Variants in ITPK1 observed in about 807,000 individuals in gnomAD.
The protein encoded by ITPK1 is inositol 1,3,4-trisphosphate 5/6-kinase.
In ITPK1, 21 loss-of-function variants were observed where a neutral mutation model predicts 45.3. That is an observed-to-expected ratio of 0.46 (90% CI 0.33 to 0.67). ITPK1 has a LOEUF of 0.67. ITPK1 is among the 30% of genes least tolerant of loss of function. The pLI is 0.02. For synonymous variants in ITPK1, 258 were observed against 253.6 expected, an observed-to-expected ratio of 1.02 and a Z score of -0.16; for missense variants, 474 against 573.5, an observed-to-expected ratio of 0.83 and a Z score of 1.77.
At chr14:93,054,063 C>T (rs1218438688) in intron 3 of ITPK1, among the ~76,000 whole-genome samples, 1 of 152,198 alleles carries the variant, frequency 6.6e-6, no homozygotes, top group Non-Finnish European at 1.5e-5. Flanking sequence ...CTTCATGCAT[C>T]CAACCCTGAC....
chr14:93,017,706 A>G (rs1888257429), intron 3 of ITPK1, among the ~76,000 whole-genome samples: 1 of 152,240 alleles, frequency 6.6e-6, no homozygotes, highest in African/African-American at 2.4e-5. Context: ...CAGAGGCCAG[A>G]GAAGGCCACA....
rs1356553636 is a variant in ITPK1 at position 92,940,736 on chromosome 14, G to A, written c.*825C>T. 7.8e-7 allele frequency: 1 copy of A among 1,289,116 alleles called. No individual in the cohort carries two copies. Among genetic ancestry groups the A allele is most frequent in the South Asian group, 1.2e-5 (1 of 80,986 alleles). The allele number at this position is 1,289,116 out of a possible 1,614,324, so 79.9% of individuals were successfully genotyped here. On this transcript the variant is annotated 3_prime_UTR_variant, in exon 11 of 11. Coordinates refer to ENST00000267615, the MANE Select transcript of ITPK1 (RefSeq NM_014216.6). ...AGAGACAAGGGGGTGGAGGCCCAAA[G>A]ACCTGGAATGATTTGCCCAAATCAC... is the stretch of plus-strand genomic sequence containing the variant.
At position 92,940,310 on chromosome 14, in the gene ITPK1, C is replaced by T. The variant is rs1887295616; in HGVS notation, c.*1251G>A. ...GGCTGATGCCTCTCACCCAGCACCC[C>T]ACATCTTCCAGGACTGCAGAGGCTT... is the stretch of plus-strand genomic sequence containing the variant. On this transcript the variant is annotated 3_prime_UTR_variant, in exon 11 of 11. Transcript: ENST00000267615. The T allele has an allele frequency of 2.0e-6, 2 of 990,830 alleles. No individual in the cohort carries two copies. Among genetic ancestry groups the T allele is most frequent in the African/African-American group, 1.7e-5 (1 of 57,268 alleles). 61.4% of individuals were successfully genotyped at this position (990,830 alleles called of 1,614,324 possible). A position where few individuals can be genotyped will look rare whatever the true frequency, so the allele number is the denominator to read the frequency against.
chr14:92,958,055 A>T lies in ITPK1; in HGVS notation c.670+146T>A. On this transcript the variant is annotated intron_variant, in intron 8 of 10. Transcript: ENST00000267615. This position sits in a 1 kb window ranked among gnomAD's most constrained non-coding sequence, Gnocchi z 4.4. ...CCCAAGACCTCTTTATCCACCGTAC[A>T]CAACTGTTTCCACCTTTAGAGCACC... is the stretch of plus-strand genomic sequence containing the variant. 1.3e-6 allele frequency: 1 copy of T among 762,120 alleles called. No homozygotes were observed. Among genetic ancestry groups the T allele is most frequent in the Non-Finnish European group, 2.2e-6 (1 of 456,586 alleles). 47.2% of individuals were successfully genotyped at this position (762,120 alleles called of 1,614,324 possible).
At chr14:93,110,273 T>C (rs1468872030) in intron 2 of ITPK1, among the ~76,000 whole-genome samples, 1 of 152,158 alleles carries the variant, frequency 6.6e-6, no homozygotes, top group Non-Finnish European at 1.5e-5. Flanking sequence ...ATACTCCCTG[T>C]GCACTGCTGC....
chr14:93,090,071 T>G (rs1006704890), intron 2 of ITPK1, among the ~76,000 whole-genome samples: 1 of 152,096 alleles, frequency 6.6e-6, no homozygotes, highest in African/African-American at 2.4e-5. Flanking sequence ...ACCTTCTGCA[T>G]CTGAAACATG....
At position 93,036,295 on chromosome 14, in the gene ITPK1, G is replaced by C. The variant is rs183930221; in HGVS notation, c.121-19494C>G. On this transcript the variant is annotated intron_variant, in intron 3 of 10. Transcript: ENST00000267615. This position sits in a 1 kb window ranked among gnomAD's most constrained non-coding sequence, Gnocchi z 4.1. ...TCCACATGGTGCAGTGGACTGCAAT[G>C]TCTAAAGGGCATCCGGTTGAGGCCA... Among the ~76,000 whole-genome samples the C allele has an allele frequency of 3.3e-4, 51 of 152,322 alleles. No homozygotes were observed. Among genetic ancestry groups the C allele is most frequent in the African/African-American group, 1.2e-3 (49 of 41,564 alleles).
intron 3 of ITPK1, among the ~76,000 whole-genome samples, chr14:93,026,137 T>C (rs901534041): frequency 7.2e-5 from 11 of 152,110 alleles, no homozygotes; most frequent in African/African-American, 2.4e-4. Flanking sequence ...GAATAGGACT[T>C]GGATGGAGAA....
intron 4 of ITPK1, among the ~76,000 whole-genome samples, chr14:93,007,288 C>T (rs1380154574): frequency 6.6e-6 from 1 of 152,190 alleles, no homozygotes; most frequent in Non-Finnish European, 1.5e-5. Context: ...TACAATAATA[C>T]ACAGAAGAGC....
At chr14:92,980,808 AG>A (rs1886186862) in intron 5 of ITPK1, among the ~76,000 whole-genome samples, 1 of 152,100 alleles carries the variant, frequency 6.6e-6, no homozygotes. Flanking sequence ...CCCAAGTTCA[AG>A]CAATTCTCCT....
chr14:93,006,059 C>T (rs1047882285), intron 4 of ITPK1, among the ~76,000 whole-genome samples: 1 of 152,184 alleles, frequency 6.6e-6, no homozygotes, highest in Non-Finnish European at 1.5e-5. Flanking sequence ...AGATGGGAAG[C>T]GGCTGGCTGA....
intron 3 of ITPK1, chr14:93,071,789 T>A (rs1468573977): frequency 6.6e-6 from 1 of 152,198 alleles, no homozygotes; most frequent in African/African-American, 2.4e-5. Context: ...TTGAAAGCCT[T>A]ATACTGATTA....
rs149828423 is a variant in ITPK1, at chr14:92,937,954, A to AGTTT, written c.*3603_*3606dup. ...GGGATCCCACCGGGTGAATGATCAG[A>AGTTT]GTTTGTTTGTTTGTTTGTTTGTTTT... On this transcript the variant is annotated 3_prime_UTR_variant, in exon 11 of 11. Transcript: ENST00000267615. The AGTTT allele has an allele frequency of 1.9e-4, 30 of 156,706 alleles. No homozygotes were observed. Among genetic ancestry groups the AGTTT allele is most frequent in the Middle Eastern group, 3.2e-3 (1 of 312 alleles). 9.7% of individuals were successfully genotyped at this position (156,706 alleles called of 1,614,324 possible).
At chr14:92,980,694 G>C (rs1431439425) in intron 5 of ITPK1, among the ~76,000 whole-genome samples, 1 of 152,116 alleles carries the variant, frequency 6.6e-6, no homozygotes, top group East Asian at 1.9e-4. Flanking sequence ...TGTTTGTTTT[G>C]AGATGGAGTC....
chr14:92,937,690 G>C lies in ITPK1; in HGVS notation c.*3871C>G, dbSNP rs556285518. The stretch of plus-strand genomic sequence containing the variant: ...GGGGAGGACCCATGGGAGAAGCCTC[G>C]CCTGTATCACCTGAGTCAGGCTTAT... On this transcript the variant is annotated 3_prime_UTR_variant, in exon 11 of 11. Coordinates refer to ENST00000267615, the MANE Select transcript of ITPK1 (RefSeq NM_014216.6). The C allele has an allele frequency of 6.6e-6, 1 of 152,556 alleles. No individual in the cohort carries two copies. The highest frequency in any genetic ancestry group is 2.4e-5 in the African/African-American group (1 of 41,468). The allele number at this position is 152,556 out of a possible 1,614,324, so 9.5% of individuals were successfully genotyped here.
chr14:92,988,347 G>A (rs879448002), intron 5 of ITPK1, among the ~76,000 whole-genome samples: 7 of 152,316 alleles, frequency 4.6e-5, no homozygotes, highest in Admixed American at 2.6e-4. Flanking sequence ...CAGCACGTCC[G>A]AGGCACTGGC....
intron 5 of ITPK1, among the ~76,000 whole-genome samples, chr14:92,974,504 C>A (rs963531006): frequency 1.3e-5 from 2 of 152,326 alleles, no homozygotes; most frequent in African/African-American, 4.8e-5. Context: ...GCTAATGCAG[C>A]AACCTCAAGG....
intron 3 of ITPK1, among the ~76,000 whole-genome samples, chr14:93,039,578 C>T (rs1285598754): frequency 6.6e-6 from 1 of 152,228 alleles, no homozygotes; most frequent in Non-Finnish European, 1.5e-5. Context: ...GATCCCCAGA[C>T]TCTGGAATCT....
chr14:92,996,784 G>A (rs891528499), intron 4 of ITPK1, among the ~76,000 whole-genome samples: 1 of 152,116 alleles, frequency 6.6e-6, no homozygotes, highest in Non-Finnish European at 1.5e-5. Flanking sequence ...AAACACACCA[G>A]GAAGCAGCCT....
Sources: gnomAD v4.1 joint callset for allele counts (sites outside exome capture counted in the v4.1 genomes callset) on GRCh38, gnomAD v4.1.1 for gene constraint, Gnocchi (gnomAD v3.1) non-coding constraint, MANE v1.5 for transcripts, NCBI Gene and HGNC (gene_info 2026-07-23, HGNC 2026-07-21) for gene names.